The following TMC1 variants were observed in gnomAD, a reference collection of about 807,000 sequenced individuals.
TMC1 encodes transmembrane channel-like protein 1.
In TMC1, 84 loss-of-function variants were observed where a neutral mutation model predicts 105.8. The ratio of observed to expected loss-of-function variants is 0.79; its 90% CI spans 0.67 to 0.95. The LOEUF is 0.95. Among genes scored for constraint, TMC1 ranks in the 40% least tolerant of loss-of-function variants. The pLI is 0.00. For missense variants in TMC1, 817 were observed against 914.1 expected (o/e 0.89, Z 1.37); for synonymous variants, 315 against 311.5 (o/e 1.01, Z -0.12).
At chr9:72,782,214 G>A (rs1217709739) in intron 13 of TMC1, among the ~76,000 whole-genome samples, 10 of 151,992 alleles carry the variant, frequency 6.6e-5, no homozygotes, top group Admixed American at 4.6e-4. Flanking sequence ...CAGAAACTAC[G>A]TGATCATCTC....
intron 1 of TMC1, among the ~76,000 whole-genome samples, chr9:72,557,315 G>GA (rs1320380576): frequency 6.6e-6 from 1 of 152,028 alleles, no homozygotes; most frequent in Non-Finnish European, 1.5e-5. Flanking sequence ...AGATTGCAGT[G>GA]AGCTAAGATC....
At chr9:72,768,625 A>G (rs375592913) in intron 12 of TMC1, among the ~76,000 whole-genome samples, 1 of 152,000 alleles carries the variant, frequency 6.6e-6, no homozygotes, top group South Asian at 2.1e-4. Context: ...ACAAAACAAC[A>G]CAAAACAAAA....
In TMC1 at chr9:72,591,433, T is replaced by A. The variant is rs12352529; in HGVS notation, c.-306+13410T>A. 2.2e-3 allele frequency among the ~76,000 whole-genome samples: 334 copies of A among 152,160 alleles called. 4 individuals are homozygous for A. The highest frequency in any genetic ancestry group is 7.8e-3 in the African/African-American group (322 of 41,498). Reference sequence around the variant, plus strand: ...GATTGAGATTCACTGTAGAAGGAAGTGTGAATATGGAGAAGAATAATTACA... The same window carrying A: ...GATTGAGATTCACTGTAGAAGGAAGAGTGAATATGGAGAAGAATAATTACA... On this transcript the variant is annotated intron_variant, in intron 2 of 23. Coordinates refer to ENST00000297784, the MANE Select transcript of TMC1 (RefSeq NM_138691.3).
chr9:72,690,757 C>G (rs1381281999), intron 6 of TMC1, among the ~76,000 whole-genome samples: 1 of 152,012 alleles, frequency 6.6e-6, no homozygotes, highest in Non-Finnish European at 1.5e-5. Context: ...CTGTCTTTGT[C>G]TTTGACTTCT....
intron 8 of TMC1, among the ~76,000 whole-genome samples, chr9:72,723,072 T>C (rs1050326755): frequency 1.3e-5 from 2 of 152,166 alleles, no homozygotes; most frequent in African/African-American, 4.8e-5. Context: ...ATGCTTGAAT[T>C]AGAGCTGCCT....
chr9:72,742,977 T>G (rs1827416124), intron 10 of TMC1, among the ~76,000 whole-genome samples: 1 of 152,218 alleles, frequency 6.6e-6, no homozygotes, highest in Non-Finnish European at 1.5e-5. Context: ...GGTTCACGCC[T>G]GTAATCCCAG....
intron 8 of TMC1, among the ~76,000 whole-genome samples, chr9:72,708,171 A>G (rs1826775644): frequency 6.6e-6 from 1 of 152,076 alleles, no homozygotes. Flanking sequence ...CCATAGCCTT[A>G]TAGTATAGTT....
intron 8 of TMC1, among the ~76,000 whole-genome samples, chr9:72,729,534 T>C (rs1827173034): frequency 6.6e-6 from 1 of 152,184 alleles, no homozygotes; most frequent in Admixed American, 6.5e-5. Flanking sequence ...GCAGAGTACT[T>C]ACTGCCAGTT....
chr9:72,737,092 G>T (rs1285309803), intron 8 of TMC1, among the ~76,000 whole-genome samples: 1 of 152,184 alleles, frequency 6.6e-6, no homozygotes, highest in Non-Finnish European at 1.5e-5. Context: ...TTGTGAGCAG[G>T]TGGGGCTTTT....
chr9:72,824,632 T>C (rs973750263), intron 20 of TMC1, among the ~76,000 whole-genome samples: 7 of 152,166 alleles, frequency 4.6e-5, no homozygotes, highest in Non-Finnish European at 7.3e-5. Flanking sequence ...GAGTCTGTGG[T>C]CTTTATAGGC....
intron 3 of TMC1, among the ~76,000 whole-genome samples, chr9:72,621,074 T>C (rs1465968498): frequency 1.3e-5 from 2 of 152,178 alleles, no homozygotes; most frequent in Non-Finnish European, 2.9e-5. Context: ...AAATGGTGAA[T>C]TGCCCTTATT....
intron 23 of TMC1, among the ~76,000 whole-genome samples, chr9:72,833,690 G>A (rs1017332207): frequency 6.6e-6 from 1 of 151,964 alleles, no homozygotes; most frequent in Non-Finnish European, 1.5e-5. Flanking sequence ...TAGTTTGGGG[G>A]TCAAAAATAC....
intron 23 of TMC1, among the ~76,000 whole-genome samples, chr9:72,832,383 A>G (rs944643940): frequency 6.6e-6 from 1 of 152,148 alleles, no homozygotes; most frequent in Non-Finnish European, 1.5e-5. Context: ...GCAACTTCCA[A>G]TGCCATGTCC....
At chr9:72,772,651 A>C in intron 13 of TMC1, 96 bp downstream of exon 13, 1 of 1,505,970 alleles carries the variant, frequency 6.6e-7, no homozygotes, top group Non-Finnish European at 9.2e-7. Context: ...TTGCTATTTT[A>C]TGTCTAAAGG....
chr9:72,790,363 G>A (rs1828247064), intron 15 of TMC1, among the ~76,000 whole-genome samples: 1 of 152,114 alleles, frequency 6.6e-6, no homozygotes, highest in African/African-American at 2.4e-5. Context: ...GACGGGACTA[G>A]ATATTTTAAA....
chr9:72,547,839 T>C (rs1392449228), intron 1 of TMC1, among the ~76,000 whole-genome samples: 1 of 152,210 alleles, frequency 6.6e-6, no homozygotes, highest in Non-Finnish European at 1.5e-5. Flanking sequence ...TTTAACAGAA[T>C]ATCAATAAAC....
At chr9:72,568,661 T>G (rs1280147244) in intron 1 of TMC1, among the ~76,000 whole-genome samples, 1 of 148,960 alleles carries the variant, frequency 6.7e-6, no homozygotes, top group Non-Finnish European at 1.5e-5. Context: ...GAGAAATTTG[T>G]TTATTTTTTT....
At chr9:72,756,909 A>T (rs1827684002) in intron 12 of TMC1, among the ~76,000 whole-genome samples, 1 of 152,148 alleles carries the variant, frequency 6.6e-6, no homozygotes. Context: ...CTGAGAGGCA[A>T]ATTCAGGGGA....
chr9:72,705,887 G>C (rs1826729581), intron 8 of TMC1, among the ~76,000 whole-genome samples: 1 of 152,098 alleles, frequency 6.6e-6, no homozygotes, highest in Non-Finnish European at 1.5e-5. Flanking sequence ...TCTGGGAGTT[G>C]TCCATTGGCT....
Sources: allele counts gnomAD v4.1 joint callset (sites outside exome capture counted in the v4.1 genomes callset), GRCh38; gene constraint gnomAD v4.1.1; transcripts MANE v1.5; gene names NCBI Gene and HGNC (gene_info 2026-07-23, HGNC 2026-07-21).